Variants in EYS observed in about 807,000 individuals in gnomAD.
EYS encodes EGF-like photoreceptor maintenance factor.
A neutral mutation model predicts 282.1 loss-of-function variants in EYS; 250 were observed. The observed-to-expected ratio is 0.89, with a 90% confidence interval of 0.80 to 0.98. EYS has a LOEUF of 0.98. Ranked by LOEUF, EYS falls within the 50% of genes least tolerant of loss-of-function variation. EYS has a pLI of 0.00. For missense variants in EYS, 4,016 were observed against 3,709.0 expected (o/e 1.08, Z -2.15); for synonymous variants, 1,355 against 1,282.9 (o/e 1.06, Z -1.20).
chr6:64,381,161 AACTTTCTTT>A (rs1391005409), intron 29 of EYS, among the ~76,000 whole-genome samples: 4 of 152,136 alleles, frequency 2.6e-5, no homozygotes, highest in Non-Finnish European at 5.9e-5. Context: ...TCTTTTTACT[AACTTTCTTT>A]ATACTAACGT....
At chr6:64,451,483 G>T (rs936694385) in intron 26 of EYS, among the ~76,000 whole-genome samples, 12 of 152,258 alleles carry the variant, frequency 7.9e-5, no homozygotes, top group African/African-American at 2.9e-4. Context: ...AATAGAAAAA[G>T]AGGGAATCCT....
chr6:65,309,330 C>T (rs1375303233), intron 11 of EYS, among the ~76,000 whole-genome samples: 1 of 152,152 alleles, frequency 6.6e-6, no homozygotes, highest in Non-Finnish European at 1.5e-5. Flanking sequence ...GACATTTGTA[C>T]TTCCATAGCA....
intron 31 of EYS, among the ~76,000 whole-genome samples, chr6:64,186,559 G>A (rs1213531207): frequency 6.6e-6 from 1 of 151,772 alleles, no homozygotes; most frequent in African/African-American, 2.4e-5. Flanking sequence ...GTACTTTTTG[G>A]ACCCCTTAAA....
intron 31 of EYS, among the ~76,000 whole-genome samples, chr6:64,202,780 T>C (rs1430741324): frequency 1.3e-5 from 2 of 152,060 alleles, no homozygotes; most frequent in South Asian, 2.1e-4. Flanking sequence ...AAAGGATATA[T>C]GAGGAAGGGT....
At chr6:63,873,846 A>AT (rs1311059753) in intron 35 of EYS, among the ~76,000 whole-genome samples, 1 of 150,202 alleles carries the variant, frequency 6.7e-6, no homozygotes, top group Non-Finnish European at 1.5e-5. Flanking sequence ...GGTTTTTTTT[A>AT]TTTTTTCTTG....
chr6:64,057,378 GTTT>G (rs75532003), intron 33 of EYS, among the ~76,000 whole-genome samples: 2 of 114,702 alleles, frequency 1.7e-5, no homozygotes, highest in Non-Finnish European at 3.5e-5. Context: ...ATAAAGTAAG[GTTT>G]TTTTTTTTTT....
intron 2 of EYS, among the ~76,000 whole-genome samples, chr6:65,560,024 A>T (rs1768977029): frequency 6.7e-6 from 1 of 150,360 alleles, no homozygotes; most frequent in Non-Finnish European, 1.5e-5. Context: ...TTTCAGTTTT[A>T]GTTTATGTTT....
chr6:65,647,933 C>T (rs143067994), intron 1 of EYS, among the ~76,000 whole-genome samples: 9 of 152,128 alleles, frequency 5.9e-5, no homozygotes, highest in Non-Finnish European at 8.8e-5. Context: ...TAGAACAATG[C>T]GTAACATCAC....
Position 63,815,043 on chromosome 6 carries a change from G to A in EYS, c.7229-8671C>T, listed in dbSNP as rs186990584. Reference sequence around the variant, plus strand: ...CGTGAATATTTAGTTCAGAAATTAAGAAACATTGAGGTTGGAGTGGGTTAT... The same window carrying A: ...CGTGAATATTTAGTTCAGAAATTAAAAAACATTGAGGTTGGAGTGGGTTAT... On this transcript the variant is annotated intron_variant, in intron 36 of 42. Transcript: ENST00000503581. Among the ~76,000 whole-genome samples, 53 of 152,234 alleles carry A rather than the reference G, an allele frequency of 3.5e-4. No homozygotes were observed. In the East Asian group the frequency reaches 5.8e-3, roughly 17 times the overall value.
intron 25 of EYS, among the ~76,000 whole-genome samples, chr6:64,592,863 G>T (rs1471185528): frequency 6.6e-6 from 1 of 152,040 alleles, no homozygotes; most frequent in African/African-American, 2.4e-5. Context: ...AGGTCCAGTT[G>T]TCTATTCGAA....
chr6:64,378,429 G>A (rs927693816), intron 29 of EYS, among the ~76,000 whole-genome samples: 1 of 152,020 alleles, frequency 6.6e-6, no homozygotes, highest in African/African-American at 2.4e-5. Context: ...TTCATAACAT[G>A]AGCTTCTATT....
At chr6:64,947,370 T>A (rs1345002487) in intron 14 of EYS, among the ~76,000 whole-genome samples, 1 of 151,852 alleles carries the variant, frequency 6.6e-6, no homozygotes, top group Non-Finnish European at 1.5e-5. Flanking sequence ...GTATAAGAAG[T>A]TCTACTCAGT....
intron 2 of EYS, among the ~76,000 whole-genome samples, chr6:65,544,383 T>C (rs1456656666): frequency 6.6e-6 from 1 of 152,218 alleles, no homozygotes; most frequent in Non-Finnish European, 1.5e-5. Context: ...ATCCTGTATA[T>C]ACTGTGATAC....
chr6:63,874,374 A>G (rs566771052), intron 35 of EYS, among the ~76,000 whole-genome samples: 1 of 152,294 alleles, frequency 6.6e-6, no homozygotes, highest in Admixed American at 6.5e-5. Context: ...TGGTACCAGT[A>G]CCATGCTGTT....
chr6:64,890,417 G>T (rs9351468), intron 18 of EYS, among the ~76,000 whole-genome samples: 13,965 of 152,012 alleles, frequency 0.092, 835 homozygotes, highest in East Asian at 0.32. Flanking sequence ...GAGGCATCAC[G>T]GAACCTACAG....
chr6:65,383,336 T>C (rs1765686076), intron 8 of EYS, among the ~76,000 whole-genome samples: 1 of 151,924 alleles, frequency 6.6e-6, no homozygotes, highest in Non-Finnish European at 1.5e-5. Context: ...TTTATTTCAC[T>C]TTTATAGTAT....
chr6:65,048,743 T>G (rs9351484), intron 13 of EYS, among the ~76,000 whole-genome samples: 116,693 of 151,684 alleles, frequency 0.77, 45,802 homozygotes, highest in East Asian at 0.99. Flanking sequence ...CACTCCTGTT[T>G]CCCTAAAGCA....
intron 41 of EYS, among the ~76,000 whole-genome samples, chr6:63,731,714 C>T (rs577152482): frequency 2.0e-5 from 3 of 151,986 alleles, no homozygotes; most frequent in Non-Finnish European, 4.4e-5. Context: ...ATAGTTTGAG[C>T]TAGAAATCAA....
intron 26 of EYS, among the ~76,000 whole-genome samples, chr6:64,471,839 G>C (rs1257288403): frequency 6.6e-6 from 1 of 152,146 alleles, no homozygotes; most frequent in Non-Finnish European, 1.5e-5. Context: ...GAGATGAAGA[G>C]AGTTGGCTAA....
Sources: gnomAD v4.1 joint callset for allele counts (sites outside exome capture counted in the v4.1 genomes callset) on GRCh38, gnomAD v4.1.1 for gene constraint, MANE v1.5 for transcripts, NCBI Gene and HGNC (gene_info 2026-07-23, HGNC 2026-07-21) for gene names.